Variants in PHTF2 observed in about 807,000 individuals in gnomAD.
The protein encoded by PHTF2 is protein PHTF2.
Under a neutral mutation model 101.2 loss-of-function variants are expected in PHTF2, and 60 were observed. The ratio of observed to expected loss-of-function variants is 0.59; its 90% CI spans 0.48 to 0.73. The LOEUF is 0.73. PHTF2 is among the 30% of genes least tolerant of loss of function. The probability of loss-of-function intolerance (pLI) is 0.00; values close to 1 mark genes in which losing one functional copy is unlikely to be tolerated. For synonymous variants in PHTF2, 311 were observed against 307.3 expected, an observed-to-expected ratio of 1.01 and a Z score of -0.13; for missense variants, 747 against 908.7, an observed-to-expected ratio of 0.82 and a Z score of 2.29.
chr7:77,809,374 C>A (rs1315077551), intron 1 of PHTF2, among the ~76,000 whole-genome samples: 1 of 151,856 alleles, frequency 6.6e-6, no homozygotes, highest in Non-Finnish European at 1.5e-5. Flanking sequence ...TTACAGGAAC[C>A]TGCCAACATG....
intron 12 of PHTF2, among the ~76,000 whole-genome samples, chr7:77,931,612 C>T (rs560976810): frequency 2.0e-5 from 3 of 152,266 alleles, no homozygotes; most frequent in South Asian, 2.1e-4. Flanking sequence ...CTCTTTAATA[C>T]TGATGTTTGT....
chr7:77,939,502 A>G (rs1417380782), intron 13 of PHTF2, among the ~76,000 whole-genome samples: 1 of 151,314 alleles, frequency 6.6e-6, no homozygotes, highest in African/African-American at 2.4e-5. Flanking sequence ...AGTCCCAGCT[A>G]CTAGGAATGC....
chr7:77,849,302 A>C (rs1433935899), intron 2 of PHTF2, among the ~76,000 whole-genome samples: 1 of 150,434 alleles, frequency 6.6e-6, no homozygotes, highest in South Asian at 2.1e-4. Flanking sequence ...TTATATATAT[A>C]TATATTTATT....
At chr7:77,874,192 G>A (rs943278852) in intron 3 of PHTF2, among the ~76,000 whole-genome samples, 1 of 152,088 alleles carries the variant, frequency 6.6e-6, no homozygotes, top group African/African-American at 2.4e-5. Context: ...TCTCCAAACA[G>A]TTCATGCCAA....
rs1019289696 is a variant in PHTF2 at position 77,928,895 on chromosome 7, G to A, written c.1120-214G>A. On this transcript the variant is annotated intron_variant, in intron 11 of 19. Coordinates refer to ENST00000416283, the Ensembl canonical transcript of PHTF2. ...AACCTTTGTATGCAAAGTAATATCTGAGCTGAAATATGAAATCAAATAAAT... is the reference window on the plus strand; with the variant it reads ...AACCTTTGTATGCAAAGTAATATCTAAGCTGAAATATGAAATCAAATAAAT... 3.3e-5 allele frequency among the ~76,000 whole-genome samples: 5 copies of A among 152,304 alleles called. No homozygotes were observed. The East Asian group carries it at 5.8e-4, about 18-fold the overall frequency.
At chr7:77,839,292 G>C (rs1024261388) in intron 1 of PHTF2, among the ~76,000 whole-genome samples, 1 of 152,186 alleles carries the variant, frequency 6.6e-6, no homozygotes, top group Non-Finnish European at 1.5e-5. Context: ...CTCTATGCCA[G>C]TGTCATCTTG....
intron 5 of PHTF2, among the ~76,000 whole-genome samples, chr7:77,897,293 ATTTTTTT>A (rs10687152): frequency 1.5e-5 from 2 of 133,718 alleles, no homozygotes; most frequent in African/African-American, 2.8e-5. Context: ...AGCCCATTTC[ATTTTTTT>A]TTTTTTTTTT....
At chr7:77,803,334 T>TTAAAGACATGTAGGCA (rs1203511326) in intron 1 of PHTF2, among the ~76,000 whole-genome samples, 1 of 152,190 alleles carries the variant, frequency 6.6e-6, no homozygotes. Flanking sequence ...TACAGAAATT[T>TTAAAGACATGTAGGCA]TAAAGACATG....
intron 1 of PHTF2, among the ~76,000 whole-genome samples, chr7:77,806,302 C>T (rs1031858278): frequency 2.0e-5 from 3 of 152,036 alleles, no homozygotes; most frequent in African/African-American, 7.2e-5. Flanking sequence ...CTGATTTCTC[C>T]TTGCGATTCT....
chr7:77,910,455 C>T (rs1802282469), intron 9 of PHTF2, 46 bp downstream of exon 8: 1 of 1,368,162 alleles, frequency 7.3e-7, no homozygotes, highest in Non-Finnish European at 1.0e-6. Flanking sequence ...ATGGCACTAT[C>T]CTTTTTCTGG....
intron 1 of PHTF2, among the ~76,000 whole-genome samples, chr7:77,816,271 C>T (rs1793846724): frequency 6.6e-6 from 1 of 152,042 alleles, no homozygotes; most frequent in African/African-American, 2.4e-5. Context: ...GATGGGGTTT[C>T]ACCATGTTGG....
At chr7:77,949,434 A>C (rs1031073480) in intron 16 of PHTF2, among the ~76,000 whole-genome samples, 4 of 152,140 alleles carry the variant, frequency 2.6e-5, no homozygotes, top group African/African-American at 7.2e-5. Flanking sequence ...TGAATCTGTA[A>C]TATTATTTTT....
intron 2 of PHTF2, among the ~76,000 whole-genome samples, chr7:77,842,867 T>C (rs1353280104): frequency 6.6e-6 from 1 of 152,166 alleles, no homozygotes; most frequent in East Asian, 1.9e-4. Flanking sequence ...GCCTTGCCAT[T>C]GTAGCACAAA....
At chr7:77,818,110 CA>C (rs776568833) in intron 1 of PHTF2, among the ~76,000 whole-genome samples, 172 of 90,598 alleles carry the variant, frequency 1.9e-3, no homozygotes, top group Middle Eastern at 6.8e-3. Flanking sequence ...AACTCCGTCT[CA>C]AAAAAAAAAA....
chr7:77,898,025 G>C (rs1267655787), intron 5 of PHTF2, among the ~76,000 whole-genome samples: 1 of 143,830 alleles, frequency 7.0e-6, no homozygotes, highest in African/African-American at 2.6e-5. Flanking sequence ...AAATTATCTT[G>C]ATAGGCTACC....
chr7:77,911,528 G>T (rs1318687922), intron 9 of PHTF2, among the ~76,000 whole-genome samples: 1 of 152,112 alleles, frequency 6.6e-6, no homozygotes, highest in Non-Finnish European at 1.5e-5. Context: ...CTGATGAAAG[G>T]TACTTAATCA....
intron 3 of PHTF2, among the ~76,000 whole-genome samples, chr7:77,881,623 G>A (rs777664832): frequency 6.6e-6 from 1 of 151,484 alleles, no homozygotes; most frequent in Non-Finnish European, 1.5e-5. Context: ...TGCTCACCTC[G>A]GCCTCCCAAA....
At chr7:77,800,861 C>G (rs1357648743) in intron 1 of PHTF2, among the ~76,000 whole-genome samples, 2 of 152,130 alleles carry the variant, frequency 1.3e-5, no homozygotes, top group Admixed American at 1.3e-4. Context: ...CTAATTTGTT[C>G]AAGATTTCTT....
At chr7:77,838,797 G>A (rs1795657332) in intron 1 of PHTF2, among the ~76,000 whole-genome samples, 1 of 152,044 alleles carries the variant, frequency 6.6e-6, no homozygotes, top group Admixed American at 6.6e-5. Flanking sequence ...TGTTTGTCAG[G>A]AATTTCAAAA....
Sources: gnomAD v4.1 joint callset for allele counts (sites outside exome capture counted in the v4.1 genomes callset) on GRCh38, gnomAD v4.1.1 for gene constraint, MANE v1.5 for transcripts, NCBI Gene and HGNC (gene_info 2026-07-23, HGNC 2026-07-21) for gene names.